Variants in CNIH3 observed in about 807,000 individuals in gnomAD.
CNIH3 encodes protein cornichon homolog 3.
Under a neutral mutation model 24.1 loss-of-function variants are expected in CNIH3, and 14 were observed. The ratio of observed to expected loss-of-function variants is 0.58; its 90% CI spans 0.38 to 0.91. The LOEUF is 0.91. Ranked by LOEUF, CNIH3 falls within the 40% of genes least tolerant of loss-of-function variation. The probability of loss-of-function intolerance (pLI) is 0.00; values close to 1 mark genes in which losing one functional copy is unlikely to be tolerated. For synonymous variants in CNIH3, 68 were observed against 73.8 expected, an observed-to-expected ratio of 0.92 and a Z score of 0.40; for missense variants, 178 against 196.8, an observed-to-expected ratio of 0.90 and a Z score of 0.57.
intron 1 of CNIH3, among the ~76,000 whole-genome samples, chr1:224,516,300 G>A (rs545024102): frequency 1.7e-4 from 20 of 120,230 alleles, no homozygotes; most frequent in Admixed American, 1.2e-3. Flanking sequence ...GCGACAAACC[G>A]AGACTCTGTC....
At chr1:224,736,108 G>A (rs1037790925) in intron 5 of CNIH3, among the ~76,000 whole-genome samples, 4 of 152,068 alleles carry the variant, frequency 2.6e-5, no homozygotes, top group East Asian at 3.9e-4. Flanking sequence ...TCTTGAGTCC[G>A]ATTTCAAAGA....
At chr1:224,532,387 G>T (rs776505857) in intron 2 of CNIH3, among the ~76,000 whole-genome samples, 2 of 152,150 alleles carry the variant, frequency 1.3e-5, no homozygotes, top group Non-Finnish European at 2.9e-5. Context: ...GAAGAAGAAG[G>T]GTGGGATGAT....
chr1:224,631,892 T>C (rs185002426), intron 1 of CNIH3, among the ~76,000 whole-genome samples: 1 of 152,324 alleles, frequency 6.6e-6, no homozygotes, highest in African/African-American at 2.4e-5. Flanking sequence ...CATAGCCAGC[T>C]AGCTGTAGCA....
intron 3 of CNIH3, among the ~76,000 whole-genome samples, chr1:224,559,853 C>T (rs915801560): frequency 2.6e-5 from 4 of 152,074 alleles, no homozygotes; most frequent in East Asian, 1.9e-4. Flanking sequence ...ATACTCTTTC[C>T]CTCTCCCTAA....
intron 1 of CNIH3, among the ~76,000 whole-genome samples, chr1:224,469,106 G>T (rs1037812594): frequency 3.6e-4 from 55 of 151,804 alleles, no homozygotes; most frequent in African/African-American, 1.3e-3. Context: ...TTTTAGACAG[G>T]GTCTTGTTCT....
rs755581606 is a variant in CNIH3, at chr1:224,458,458, G to A, written n.203+23596G>A. On this transcript the variant is annotated intron_variant and non_coding_transcript_variant, in intron 1 of 5. Transcript: ENST00000471578. This position sits in a 1 kb window ranked among gnomAD's most constrained non-coding sequence, Gnocchi z 4.3. ...GGCTTGGCAAGGCAGATGCTCCCCA[G>A]CTCCTGACATCAGAGAGAAGGGCTG... Among the ~76,000 whole-genome samples, 8 of 152,206 alleles carry A rather than the reference G, an allele frequency of 5.3e-5. No individual in the cohort carries two copies. Among genetic ancestry groups the A allele is most frequent in the Non-Finnish European group, 1.0e-4 (7 of 68,034 alleles).
chr1:224,727,559 G>A (rs1004407054), intron 3 of CNIH3, among the ~76,000 whole-genome samples: 1 of 152,164 alleles, frequency 6.6e-6, no homozygotes, highest in African/African-American at 2.4e-5. Flanking sequence ...CTGAGAGCTG[G>A]AAAATGAGAC....
chr1:224,739,476 A>G lies in CNIH3; in HGVS notation c.*120A>G. On this transcript the variant is annotated 3_prime_UTR_variant, in exon 6 of 6. Coordinates refer to ENST00000272133, the MANE Select transcript of CNIH3 (RefSeq NM_152495.2). ...AGGATACGTGAGAAATAGACCCGGC[A>G]GGCAGTCAGACTGAATGGGAGCTGG... is the stretch of plus-strand genomic sequence containing the variant. 6.5e-7 allele frequency: 1 copy of G among 1,546,028 alleles called. No homozygotes were observed. The highest frequency in any genetic ancestry group is 8.7e-7 in the Non-Finnish European group (1 of 1,147,912).
At chr1:224,574,549 G>A in intron 4 of CNIH3, 1 of 746,436 alleles carries the variant, frequency 1.3e-6, no homozygotes, top group Non-Finnish European at 2.5e-6. Flanking sequence ...ATTAATGTTG[G>A]GTACTGCCAC....
At chr1:224,681,140 A>G (rs1325344617) in intron 2 of CNIH3, 114 bp downstream of exon 2, 7 of 871,444 alleles carry the variant, frequency 8.0e-6, no homozygotes, top group Non-Finnish European at 1.3e-5. Flanking sequence ...GCTCGCCCTC[A>G]CTGTGCCTCT....
chr1:224,442,655 A>G (rs1339526925), intron 1 of CNIH3, among the ~76,000 whole-genome samples: 1 of 152,060 alleles, frequency 6.6e-6, no homozygotes, highest in African/African-American at 2.4e-5. Flanking sequence ...CATATATTGT[A>G]CTCTTTTAAT....
At chr1:224,627,881 C>A (rs1345394060) in intron 1 of CNIH3, among the ~76,000 whole-genome samples, 1 of 152,116 alleles carries the variant, frequency 6.6e-6, no homozygotes. Context: ...GAGAACAGAA[C>A]CTTTCATCAC....
chr1:224,463,773 A>AT lies in CNIH3; in HGVS notation n.203+28947dup, dbSNP rs56137320. Among the ~76,000 whole-genome samples the AT allele has an allele frequency of 5.8e-3, 121 of 20,730 alleles. 20 individuals are homozygous for AT. The highest frequency in any genetic ancestry group is 0.019 in the African/African-American group (73 of 3,912). The allele number at this position is 20,730 out of a possible 152,430, so 13.6% of individuals were successfully genotyped here. A position where few individuals can be genotyped will look rare whatever the true frequency, so the allele number is the denominator to read the frequency against. ...TTCTCCCAGCTTATGAATTGTCCTC[A>AT]TTTTTTTTTTTTTTTTTTTTTTTTT... On this transcript the variant is annotated intron_variant and non_coding_transcript_variant, in intron 1 of 5. Coordinates refer to the CNIH3 transcript ENST00000471578.
intron 2 of CNIH3, among the ~76,000 whole-genome samples, chr1:224,533,797 A>G (rs1285881067): frequency 1.3e-5 from 2 of 152,172 alleles, no homozygotes; most frequent in African/African-American, 2.4e-5. Context: ...TCTCAACTTG[A>G]TTACATTGGC....
intron 1 of CNIH3, among the ~76,000 whole-genome samples, chr1:224,505,393 C>T (rs944206161): frequency 1.3e-5 from 2 of 151,964 alleles, no homozygotes; most frequent in African/African-American, 4.8e-5. Flanking sequence ...ACACTTTCCC[C>T]TTCATTTTGG....
At chr1:224,651,116 G>T (rs926337850) in intron 1 of CNIH3, among the ~76,000 whole-genome samples, 4 of 152,124 alleles carry the variant, frequency 2.6e-5, no homozygotes, top group African/African-American at 4.8e-5. Flanking sequence ...TGAACATCGA[G>T]CCCAGTGCAG....
chr1:224,525,393 G>A (rs1379178335), intron 2 of CNIH3, among the ~76,000 whole-genome samples: 3 of 152,204 alleles, frequency 2.0e-5, no homozygotes, highest in African/African-American at 7.2e-5. Flanking sequence ...GGCATCCAAG[G>A]CTTGGGAGCA....
At chr1:224,453,269 C>T (rs1675503600) in intron 1 of CNIH3, among the ~76,000 whole-genome samples, 1 of 152,046 alleles carries the variant, frequency 6.6e-6, no homozygotes, top group African/African-American at 2.4e-5. Context: ...TTCCTGGGCT[C>T]AACCCATCTT....
rs536109317 is a variant in CNIH3 at position 224,573,082 on chromosome 1, ATC to A, written n.516+6820_516+6821del. The stretch of plus-strand genomic sequence containing the variant: ...TTATTCATAATACTGCCTTGTAGTC[ATC>A]TTTATTTCTGTAATATCACTAGTAA... On this transcript the variant is annotated intron_variant and non_coding_transcript_variant, in intron 4 of 5. Coordinates refer to the CNIH3 transcript ENST00000471578. Among the ~76,000 whole-genome samples, 683 of 152,336 alleles carry A rather than the reference ATC, an allele frequency of 4.5e-3. 6 individuals carry two copies. Among genetic ancestry groups the A allele is most frequent in the Admixed American group, 9.3e-3 (143 of 15,296 alleles).
Sources: allele counts gnomAD v4.1 joint callset (sites outside exome capture counted in the v4.1 genomes callset), GRCh38; gene constraint gnomAD v4.1.1; non-coding constraint Gnocchi (gnomAD v3.1); transcripts MANE v1.5; gene names NCBI Gene and HGNC (gene_info 2026-07-23, HGNC 2026-07-21).